FAM13A: variants seen among roughly 807,000 people sequenced by gnomAD.
FAM13A encodes protein FAM13A.
A neutral mutation model predicts 129.6 loss-of-function variants in FAM13A; 76 were observed. The observed-to-expected ratio is 0.59, with a 90% CI of 0.49 to 0.71. The LOEUF is 0.71. Among genes scored for constraint, FAM13A ranks in the 30% least tolerant of loss-of-function variants. FAM13A has a pLI of 0.00. For synonymous variants in FAM13A, 443 were observed against 449.9 expected (o/e 0.98, Z 0.20); for missense variants, 1,108 against 1,249.3 (o/e 0.89, Z 1.70).
intron 5 of FAM13A, among the ~76,000 whole-genome samples, chr4:88,920,792 A>G (rs375867727): frequency 1.3e-5 from 2 of 152,182 alleles, no homozygotes; most frequent in Non-Finnish European, 2.9e-5. Context: ...CAAAGAAGTT[A>G]AAAACTTTGA....
chr4:88,945,678 G>T (rs1228080379), intron 4 of FAM13A, among the ~76,000 whole-genome samples: 1 of 148,674 alleles, frequency 6.7e-6, no homozygotes, highest in Non-Finnish European at 1.5e-5. Flanking sequence ...TGTACTAGTG[G>T]TCTGTGAGAA....
intron 1 of FAM13A, among the ~76,000 whole-genome samples, chr4:89,056,656 A>C (rs1001742673): frequency 6.6e-6 from 1 of 152,204 alleles, no homozygotes; most frequent in Non-Finnish European, 1.5e-5. Context: ...GAAAGTCTAA[A>C]ATGCTTGAAA....
chr4:88,956,991 G>A (rs1757852514), intron 4 of FAM13A, among the ~76,000 whole-genome samples: 2 of 152,178 alleles, frequency 1.3e-5, no homozygotes, highest in South Asian at 2.1e-4. Flanking sequence ...CCAGGGTGAT[G>A]AGTGAGTTCT....
At chr4:89,028,276 T>C (rs1426767233) in intron 2 of FAM13A, among the ~76,000 whole-genome samples, 1 of 151,538 alleles carries the variant, frequency 6.6e-6, no homozygotes, top group East Asian at 1.9e-4. Flanking sequence ...GTTAGTATTT[T>C]TGGACCATGA....
chr4:88,917,329 GA>G (rs1334261822), intron 5 of FAM13A, among the ~76,000 whole-genome samples: 3 of 152,022 alleles, frequency 2.0e-5, no homozygotes, highest in Non-Finnish European at 4.4e-5. Flanking sequence ...CTAATACAGG[GA>G]GAACTCACTC....
rs771412626 is a variant in FAM13A, at chr4:88,758,925, C to T, written c.1579-24G>A. ...CTCTGCAATAACAGCACAATGTCCC[C>T]AAATATCTACTGCTCACCAAAACCC... On this transcript the variant is annotated intron_variant, in intron 13 of 23. Transcript: ENST00000264344. 2.5e-6 allele frequency: 4 copies of T among 1,607,976 alleles called. No homozygotes were observed. The Admixed American group carries it at 6.7e-5, about 27-fold the overall frequency.
chr4:88,818,997 G>T (rs1731367331), intron 7 of FAM13A, among the ~76,000 whole-genome samples: 1 of 152,174 alleles, frequency 6.6e-6, no homozygotes, highest in South Asian at 2.1e-4. Flanking sequence ...AAGAACTGAT[G>T]AATTCTACTG....
chr4:88,863,901 T>G (rs191777025), intron 6 of FAM13A, among the ~76,000 whole-genome samples: 2 of 152,264 alleles, frequency 1.3e-5, no homozygotes, highest in East Asian at 3.9e-4. Flanking sequence ...GGATTTCACA[T>G]GAAGCAGAAA....
Position 88,728,663 on chromosome 4 carries a change from A to G in FAM13A, c.2946-4T>C. 2 of 1,614,030 alleles carry G rather than the reference A, an allele frequency of 1.2e-6. No homozygotes were observed. Among genetic ancestry groups the G allele is most frequent in the African/African-American group, 1.3e-5 (1 of 75,028 alleles). ...GCGGTCTTCCTTCTGGACATTTCTA[A>G]TGCAAATAAAGGAAAAAGGGGTCTG... On this transcript the variant is annotated splice_polypyrimidine_tract_variant and splice_region_variant and intron_variant, in intron 23 of 23. Transcript: ENST00000264344.
chr4:89,017,117 A>G (rs139722604), intron 3 of FAM13A, among the ~76,000 whole-genome samples: 165 of 152,330 alleles, frequency 1.1e-3, no homozygotes, highest in African/African-American at 3.7e-3. Flanking sequence ...AGTATACTGT[A>G]TGATGTTCAC....
At chr4:88,785,600 G>A (rs997237661) in intron 10 of FAM13A, among the ~76,000 whole-genome samples, 1 of 151,940 alleles carries the variant, frequency 6.6e-6, no homozygotes, top group African/African-American at 2.4e-5. Context: ...AGAAACAAGC[G>A]GAATGAGAGC....
intron 13 of FAM13A, among the ~76,000 whole-genome samples, chr4:88,765,699 A>G (rs1374449318): frequency 6.6e-6 from 1 of 152,260 alleles, no homozygotes; most frequent in African/African-American, 2.4e-5. Flanking sequence ...TACTTTCACA[A>G]GTAGAAATCA....
chr4:88,851,218 T>G, intron 6 of FAM13A, 35 bp from the exon 7 acceptor site: 1 of 1,491,400 alleles, frequency 6.7e-7, no homozygotes, highest in East Asian at 2.3e-5. Flanking sequence ...GGGGGAGAGC[T>G]AGATAAATGT....
At chr4:88,766,356 C>A (rs534381377) in intron 13 of FAM13A, among the ~76,000 whole-genome samples, 1 of 152,142 alleles carries the variant, frequency 6.6e-6, no homozygotes, top group Admixed American at 6.5e-5. Context: ...GCTTGGGTTC[C>A]AAGGAAGGAG....
chr4:88,781,965 A>G lies in FAM13A; in HGVS notation c.1272-614T>C, dbSNP rs563421650. On this transcript the variant is annotated intron_variant, in intron 10 of 23. Coordinates refer to ENST00000264344, the MANE Select transcript of FAM13A (RefSeq NM_014883.4). ...TGTAACAAACCTGCACATTGTGCACATGTACCCTAAAACTTAAAGTATAAT... is the reference window on the plus strand; with the variant it reads ...TGTAACAAACCTGCACATTGTGCACGTGTACCCTAAAACTTAAAGTATAAT... Among the ~76,000 whole-genome samples, 11 of 151,296 alleles carry G rather than the reference A, an allele frequency of 7.3e-5. 1 individual carries two copies. The South Asian group carries it at 2.1e-3, about 29-fold the overall frequency.
chr4:88,896,926 T>C (rs2150190355), intron 6 of FAM13A, among the ~76,000 whole-genome samples: 1 of 152,364 alleles, frequency 6.6e-6, no homozygotes, highest in African/African-American at 2.4e-5. Context: ...ATATTTATCC[T>C]CATACAATGA....
At chr4:88,933,963 C>T (rs1030113606) in intron 5 of FAM13A, among the ~76,000 whole-genome samples, 6 of 152,102 alleles carry the variant, frequency 3.9e-5, no homozygotes, top group Admixed American at 6.6e-5. Context: ...GGCCTCATTT[C>T]GTTTCAATTC....
chr4:88,787,045 G>A (rs1724111276), intron 10 of FAM13A, among the ~76,000 whole-genome samples: 1 of 151,794 alleles, frequency 6.6e-6, no homozygotes. Flanking sequence ...ATGAATATCT[G>A]TATAGTCTAT....
chr4:88,755,601 G>C (rs1047391062), intron 14 of FAM13A, among the ~76,000 whole-genome samples: 6 of 152,188 alleles, frequency 3.9e-5, no homozygotes, highest in African/African-American at 1.4e-4. Context: ...GGCATCAGGT[G>C]CAAATGAGGA....
Sources: gnomAD v4.1 joint callset for allele counts (sites outside exome capture counted in the v4.1 genomes callset) on GRCh38, gnomAD v4.1.1 for gene constraint, MANE v1.5 for transcripts, NCBI Gene and HGNC (gene_info 2026-07-23, HGNC 2026-07-21) for gene names.